Variants in ZNF726 observed in about 807,000 individuals in gnomAD.
The protein encoded by ZNF726 is zinc finger protein 726.
In ZNF726, 15 loss-of-function variants were observed where a neutral mutation model predicts 11.6. The observed-to-expected ratio is 1.29, with a 90% CI of 0.86 to 1.99. The LOEUF (loss-of-function observed/expected upper bound fraction) is 1.99. ZNF726 is among the 30% of genes most tolerant of loss of function. The pLI is 0.00. For synonymous variants in ZNF726, 295 were observed against 243.6 expected (o/e 1.21, Z -1.96); for missense variants, 890 against 725.6 (o/e 1.23, Z -2.60).
intron 3 of ZNF726, 187 bp downstream of exon 3, chr19:23,920,269 T>A (rs931317571): frequency 2.6e-6 from 1 of 378,968 alleles, no homozygotes; most frequent in African/African-American, 2.1e-5. Flanking sequence ...TCTCTAAGAA[T>A]TCTACTCTCC....
At chr19:23,919,159 C>T (rs1456751973) in intron 1 of ZNF726, 10 of 603,686 alleles carry the variant, frequency 1.7e-5, no homozygotes, top group South Asian at 1.0e-4. Context: ...ATCATATATA[C>T]ACTGATGTTC....
chr19:23,918,458 G>A (rs549192262), intron 1 of ZNF726, among the ~76,000 whole-genome samples: 2 of 152,158 alleles, frequency 1.3e-5, no homozygotes, highest in Non-Finnish European at 2.9e-5. Context: ...GTAGAACATG[G>A]AAGATATCTG....
chr19:23,923,135 A>G (rs922020439), intron 3 of ZNF726, among the ~76,000 whole-genome samples: 4 of 152,162 alleles, frequency 2.6e-5, no homozygotes, highest in African/African-American at 9.7e-5. Flanking sequence ...ACTAAATAAC[A>G]TAATTTATTC....
chr19:23,933,551 A>G lies in ZNF726; in HGVS notation c.1435A>G (p.Lys479Glu). 6.2e-7 allele frequency: 1 copy of G among 1,612,968 alleles called. No homozygotes were observed. The highest frequency in any genetic ancestry group is 8.5e-7 in the Non-Finnish European group (1 of 1,179,948). ...TTHKRMHTGEKPYKCEECGKA... is the reference protein window; with the variant it reads ...TTHKRMHTGEEPYKCEECGKA... ...ACATAAGAGGATGCACACTGGAGAG[A>G]AACCCTACAAATGTGAAGAATGTGG... Residue 479 changes from lysine to glutamate, a missense_variant, in exon 4 of 4, where the codon AAA (lysine) becomes GAA (glutamate). By Grantham distance (56) the Lys-to-Glu change is moderately conservative (BLOSUM62 1). Coordinates refer to ENST00000594466, the MANE Select transcript of ZNF726 (RefSeq NM_001244038.2).
chr19:23,918,899 G>A lies in ZNF726; in HGVS notation c.4-474G>A, dbSNP rs149892264. ...ATTTGCATTACTAATGAGCTTGATA[G>A]AGATTCAGTAACTCAGACTTTATTT... On this transcript the variant is annotated intron_variant, in intron 1 of 3. Coordinates refer to ENST00000594466, the MANE Select transcript of ZNF726 (RefSeq NM_001244038.2). 2.6e-3 allele frequency among the ~76,000 whole-genome samples: 389 copies of A among 152,144 alleles called. 1 individual carries two copies. The highest frequency in any genetic ancestry group is 8.7e-3 in the African/African-American group (362 of 41,516).
At chr19:23,917,227 A>T (rs59994856) in intron 1 of ZNF726, among the ~76,000 whole-genome samples, 1 of 152,380 alleles carries the variant, frequency 6.6e-6, no homozygotes, top group African/African-American at 2.4e-5. Context: ...CTGTGATTAC[A>T]GGCATGAGCC....
At chr19:23,924,891 TA>T (rs36063435) in intron 3 of ZNF726, among the ~76,000 whole-genome samples, 35,724 of 146,930 alleles carry the variant, frequency 0.24, 4,371 homozygotes, top group African/African-American at 0.27. Context: ...GACCTTGTCT[TA>T]AAAAAAAAAA....
chr19:23,924,246 A>G (rs1354838636), intron 3 of ZNF726, among the ~76,000 whole-genome samples: 1 of 146,740 alleles, frequency 6.8e-6, no homozygotes, highest in Non-Finnish European at 1.5e-5. Flanking sequence ...TAGAAATGGT[A>G]TTTCTCCATG....
At chr19:23,931,315 A>G (rs901232518) in intron 3 of ZNF726, among the ~76,000 whole-genome samples, 1 of 152,058 alleles carries the variant, frequency 6.6e-6, no homozygotes, top group Non-Finnish European at 1.5e-5. Flanking sequence ...CATTTTTTCT[A>G]ACTTTTAGGA....
At chr19:23,942,059 G>T (rs1250115125) in intron 3 of ZNF726, among the ~76,000 whole-genome samples, 2 of 152,006 alleles carry the variant, frequency 1.3e-5, no homozygotes, top group African/African-American at 4.8e-5. Context: ...GTGGACCTTA[G>T]ATTGTCTGTG....
At chr19:23,932,219 A>C (rs1968121169) in intron 3 of ZNF726, 124 bp from the exon 4 acceptor site, 2 of 618,064 alleles carry the variant, frequency 3.2e-6, no homozygotes, top group Non-Finnish European at 4.8e-6. Context: ...TGAAAGAATT[A>C]GGGTCTGTGG....
chr19:23,934,107 A>G lies in ZNF726; in HGVS notation c.*140A>G. 1 of 1,120,754 alleles carries G rather than the reference A, an allele frequency of 8.9e-7. No homozygotes were observed. Among genetic ancestry groups the G allele is most frequent in the Non-Finnish European group, 1.3e-6 (1 of 745,704 alleles). The allele number at this position is 1,120,754 out of a possible 1,614,324, so 69.4% of individuals were successfully genotyped here. A position where few individuals can be genotyped will look rare whatever the true frequency, so the allele number is the denominator to read the frequency against. ...GCTTTTAATCCTCAAATCTTACTAAACATTAGATAATTCACACTGGAGAGA... is the reference window on the plus strand; with the variant it reads ...GCTTTTAATCCTCAAATCTTACTAAGCATTAGATAATTCACACTGGAGAGA... On this transcript the variant is annotated 3_prime_UTR_variant, in exon 4 of 4. Transcript: ENST00000594466.
chr19:23,917,894 T>C (rs1395496577), intron 1 of ZNF726, among the ~76,000 whole-genome samples: 3 of 152,186 alleles, frequency 2.0e-5, no homozygotes, highest in African/African-American at 7.2e-5. Flanking sequence ...AGGGTGCCCC[T>C]TGTAGGTTGC....
chr19:23,928,161 CT>C (rs1371435094), intron 3 of ZNF726: 1 of 152,208 alleles, frequency 6.6e-6, no homozygotes, highest in Non-Finnish European at 1.5e-5. Flanking sequence ...TGCAGTTACT[CT>C]TCGCCTTCAA....
chr19:23,917,332 T>C (rs774854050), intron 1 of ZNF726, among the ~76,000 whole-genome samples: 7 of 152,198 alleles, frequency 4.6e-5, no homozygotes, highest in Non-Finnish European at 1.0e-4. Flanking sequence ...CCATAAAAGG[T>C]GAGTTTCAAA....
intron 1 of ZNF726, among the ~76,000 whole-genome samples, chr19:23,915,704 C>A (rs1250726773): frequency 6.6e-6 from 1 of 151,968 alleles, no homozygotes; most frequent in Non-Finnish European, 1.5e-5. Context: ...CCTCAGCCTC[C>A]CTAGTAGTTG....
At chr19:23,923,065 AT>A (rs1967892444) in intron 3 of ZNF726, among the ~76,000 whole-genome samples, 2 of 152,122 alleles carry the variant, frequency 1.3e-5, no homozygotes, top group Non-Finnish European at 1.5e-5. Flanking sequence ...ATTAAATTAG[AT>A]AATACGCAGG....
At chr19:23,937,144 C>G (rs1353272728), downstream of ZNF726, among the ~76,000 whole-genome samples, 1 of 150,124 alleles carries the variant, frequency 6.7e-6, no homozygotes, top group Admixed American at 6.6e-5. Flanking sequence ...GGGGCTGACC[C>G]CCCCACCTCC....
chr19:23,924,427 G>A (rs1019676493), intron 3 of ZNF726, among the ~76,000 whole-genome samples: 5 of 151,902 alleles, frequency 3.3e-5, no homozygotes, highest in African/African-American at 1.2e-4. Context: ...TTTTCACCAT[G>A]TGTTTAATGA....
Sources: allele counts gnomAD v4.1 joint callset (sites outside exome capture counted in the v4.1 genomes callset), GRCh38; gene constraint gnomAD v4.1.1; transcripts MANE v1.5; gene names NCBI Gene and HGNC (gene_info 2026-07-23, HGNC 2026-07-21).